SCNN1B: variants seen among roughly 807,000 people sequenced by gnomAD.
SCNN1B encodes the protein epithelial sodium channel subunit beta.
A neutral mutation model predicts 65.3 loss-of-function variants in SCNN1B; 46 were observed. That is an observed-to-expected ratio of 0.70 (90% CI 0.56 to 0.90). The LOEUF is 0.90. SCNN1B is among the 40% of genes least tolerant of loss of function. The pLI, the probability that SCNN1B is intolerant of heterozygous loss-of-function variation, is 0.00. For missense variants in SCNN1B, 751 were observed against 830.5 expected, an observed-to-expected ratio of 0.90 and a Z score of 1.18; for synonymous variants, 349 against 330.6, an observed-to-expected ratio of 1.06 and a Z score of -0.60.
intron 1 of SCNN1B, among the ~76,000 whole-genome samples, chr16:23,330,667 G>C (rs1465323914): frequency 6.6e-6 from 1 of 152,094 alleles, no homozygotes; most frequent in Non-Finnish European, 1.5e-5. Context: ...CCAACCCCTG[G>C]GCTTAAGTGA....
At chr16:23,372,945 C>CAA (rs374678974) in intron 7 of SCNN1B, among the ~76,000 whole-genome samples, 1 of 140,126 alleles carries the variant, frequency 7.1e-6, no homozygotes. Flanking sequence ...ACTAAAAATA[C>CAA]AAAAAAAAAA....
intron 1 of SCNN1B, among the ~76,000 whole-genome samples, chr16:23,340,169 A>G (rs1260564201): frequency 2.0e-5 from 3 of 152,158 alleles, no homozygotes; most frequent in Admixed American, 6.5e-5. Context: ...ATTTAGTTGT[A>G]AGAGTTCTTT....
In SCNN1B at chr16:23,380,692, C is replaced by T. The variant is rs748831500; in HGVS notation, c.1814C>T (p.Pro605Leu). The change falls in exon 13 of 13, where the codon CCC becomes CTC. Residue 605 changes from proline to leucine, a missense_variant. Transcript: ENST00000343070. This position sits in a 1 kb window ranked among gnomAD's most constrained non-coding sequence, Gnocchi z 5.4. The part of the protein sequence containing the change: ...APRSPNTGPY[P>L]SEQALPIPGT... ...CGCAGCCCCAACACTGGGCCCTACC[C>T]CAGTGAGCAGGCCCTGCCCATCCCA... is the stretch of plus-strand genomic sequence containing the variant. 1.9e-6 allele frequency: 3 copies of T among 1,612,600 alleles called. No individual in the cohort carries two copies. Among genetic ancestry groups the T allele is most frequent in the Admixed American group, 1.7e-5 (1 of 60,000 alleles).
intron 8 of SCNN1B, among the ~76,000 whole-genome samples, chr16:23,376,569 T>C (rs907800256): frequency 6.6e-5 from 10 of 151,684 alleles, no homozygotes; most frequent in African/African-American, 9.7e-5. Flanking sequence ...TCACAACCAA[T>C]TGGAGCTGGG....
rs368327916 is a variant in SCNN1B at position 23,348,535 on chromosome 16, A to G, written c.-8-57A>G. On this transcript the variant is annotated intron_variant, in intron 1 of 12. Coordinates refer to ENST00000343070, the MANE Select transcript of SCNN1B (RefSeq NM_000336.3). This position sits in a 1 kb window ranked among gnomAD's most constrained non-coding sequence, Gnocchi z 4.5. ...CCCAGTTCCTGGACGTGACTGGGAC[A>G]TCCTCGCAGGCAAGGCTGGTGTCCC... 6.3e-6 allele frequency: 10 copies of G among 1,577,974 alleles called. No homozygotes were observed. Among genetic ancestry groups the G allele is most frequent in the African/African-American group, 5.4e-5 (4 of 74,330 alleles).
At chr16:23,354,060 T>C (rs925408692) in intron 3 of SCNN1B, among the ~76,000 whole-genome samples, 5 of 152,264 alleles carry the variant, frequency 3.3e-5, no homozygotes, top group African/African-American at 1.2e-4. Context: ...GCCACTGCCT[T>C]GCTGCTCACA....
chr16:23,362,920 G>A (rs1367242988), intron 4 of SCNN1B, among the ~76,000 whole-genome samples: 2 of 152,094 alleles, frequency 1.3e-5, no homozygotes, highest in Admixed American at 6.6e-5. Flanking sequence ...CATGGTGCCC[G>A]CCCAGAGCTA....
rs1166864090 is a variant in SCNN1B at position 23,361,775 on chromosome 16, TTTGG to T, written c.777-6077_777-6074del. Among the ~76,000 whole-genome samples, 4 of 152,274 alleles carry T rather than the reference TTTGG, an allele frequency of 2.6e-5. No homozygotes were observed. The South Asian group carries it at 8.3e-4, about 32-fold the overall frequency. On this transcript the variant is annotated intron_variant, in intron 4 of 12. Coordinates refer to ENST00000343070, the MANE Select transcript of SCNN1B (RefSeq NM_000336.3). The stretch of plus-strand genomic sequence containing the variant: ...TTCTCTAAAGAGCTCTGTTTGGTTT[TTTGG>T]TTGTTTTGTTTGTTTGTTTGTTTTT...
intron 1 of SCNN1B, among the ~76,000 whole-genome samples, chr16:23,281,710 C>G (rs1960787176): frequency 6.6e-6 from 1 of 152,144 alleles, no homozygotes. Context: ...ATCCAAAACA[C>G]AAGACTTGAA....
chr16:23,331,736 G>A (rs1961816459), intron 1 of SCNN1B, among the ~76,000 whole-genome samples: 1 of 152,104 alleles, frequency 6.6e-6, no homozygotes, highest in Admixed American at 6.5e-5. Context: ...TTGGTGGGGG[G>A]ACACATTCAT....
At chr16:23,300,985 T>TA (rs1167134121), upstream of SCNN1B, among the ~76,000 whole-genome samples, 2 of 141,774 alleles carry the variant, frequency 1.4e-5, no homozygotes, top group African/African-American at 5.8e-5. Flanking sequence ...ATATATGTGT[T>TA]AAAAACACGT....
In SCNN1B at chr16:23,375,861, C is replaced by CG; in HGVS notation, c.1270+11dup. ...CCGGGACTTCCCAGACTGGGGTGAG[C>CG]GGGGGCACGGGGGATCGGCACTCCA... On this transcript the variant is annotated splice_region_variant and intron_variant, in intron 8 of 12. Coordinates refer to ENST00000343070, the MANE Select transcript of SCNN1B (RefSeq NM_000336.3). 1 of 1,557,542 alleles carries CG rather than the reference C, an allele frequency of 6.4e-7. No homozygotes were observed. The highest frequency in any genetic ancestry group is 8.9e-7 in the Non-Finnish European group (1 of 1,128,536).
At chr16:23,285,847 G>C (rs1567284221) in intron 2 of SCNN1B, among the ~76,000 whole-genome samples, 1 of 152,188 alleles carries the variant, frequency 6.6e-6, no homozygotes, top group South Asian at 2.1e-4. Context: ...GGTAGTGCAT[G>C]CCTATAATCC....
chr16:23,343,508 AAAAGGAAGGAAGGAAGG>A (rs1567304195), intron 1 of SCNN1B, among the ~76,000 whole-genome samples: 2 of 80,624 alleles, frequency 2.5e-5, no homozygotes, highest in Non-Finnish European at 5.7e-5. Flanking sequence ...GGAAGGAAGG[AAAAGGAAGGAAGGAAGG>A]AAGAAAGAGG....
At chr16:23,357,591 A>G (rs1962446796) in intron 4 of SCNN1B, among the ~76,000 whole-genome samples, 1 of 152,216 alleles carries the variant, frequency 6.6e-6, no homozygotes, top group Admixed American at 6.5e-5. Flanking sequence ...TTAAAAAGGA[A>G]AAAACAAATG....
chr16:23,306,363 A>C (rs1961220201), intron 1 of SCNN1B, among the ~76,000 whole-genome samples: 1 of 152,220 alleles, frequency 6.6e-6, no homozygotes, highest in Non-Finnish European at 1.5e-5. Context: ...TTGGGCATTA[A>C]ATGAGTCAAC....
At chr16:23,302,061 A>T (rs904950994), upstream of SCNN1B, among the ~76,000 whole-genome samples, 3 of 152,086 alleles carry the variant, frequency 2.0e-5, no homozygotes, top group Non-Finnish European at 2.9e-5. Flanking sequence ...GTCTGTGGAC[A>T]TATTCGTGGC....
At position 23,335,648 on chromosome 16, in the gene SCNN1B, T is replaced by C. The variant is rs537101036; in HGVS notation, c.-8-12944T>C. Among the ~76,000 whole-genome samples, 8 of 151,160 alleles carry C rather than the reference T, an allele frequency of 5.3e-5. No individual in the cohort carries two copies. The South Asian group carries it at 1.7e-3, about 32-fold the overall frequency. ...TTTTAGTAGAGACAGGGTTTTGCCA[T>C]TTTGGCCAGACTAGTCTTGAACTCC... On this transcript the variant is annotated intron_variant, in intron 1 of 12. Coordinates refer to ENST00000343070, the MANE Select transcript of SCNN1B (RefSeq NM_000336.3).
rs536060844 is a variant in SCNN1B at position 23,379,960 on chromosome 16, G to A, written c.1467-134G>A. 9 of 764,680 alleles carry A rather than the reference G, an allele frequency of 1.2e-5. No homozygotes were observed. The East Asian group carries it at 2.3e-4, about 19-fold the overall frequency. 47.4% of individuals were successfully genotyped at this position (764,680 alleles called of 1,614,324 possible). Reference sequence around the variant, plus strand: ...CCTGTGTGCATGTGTGCACGGGTGTGTGGGTACATGTGTGTGCATACATGT... The same window carrying A: ...CCTGTGTGCATGTGTGCACGGGTGTATGGGTACATGTGTGTGCATACATGT... On this transcript the variant is annotated intron_variant, in intron 11 of 12. Coordinates refer to ENST00000343070, the MANE Select transcript of SCNN1B (RefSeq NM_000336.3).
Sources: allele counts gnomAD v4.1 joint callset (sites outside exome capture counted in the v4.1 genomes callset), GRCh38; gene constraint gnomAD v4.1.1; non-coding constraint Gnocchi (gnomAD v3.1); transcripts MANE v1.5; gene names NCBI Gene and HGNC (gene_info 2026-07-23, HGNC 2026-07-21).